Variants in FHIT observed in about 807,000 individuals in gnomAD.
FHIT encodes the protein bis(5'-adenosyl)-triphosphatase.
A neutral mutation model predicts 17.9 loss-of-function variants in FHIT; 19 were observed. The ratio of observed to expected loss-of-function variants is 1.06; its 90% CI spans 0.74 to 1.56. FHIT has a LOEUF of 1.56. FHIT is among the 40% of genes most tolerant of loss of function. The probability of loss-of-function intolerance (pLI) is 0.00; values close to 1 mark genes in which losing one functional copy is unlikely to be tolerated. For synonymous variants in FHIT, 81 were observed against 69.7 expected, an observed-to-expected ratio of 1.16 and a Z score of -0.81; for missense variants, 248 against 189.2, an observed-to-expected ratio of 1.31 and a Z score of -1.82.
rs1394848561 is a variant in FHIT at position 59,749,582 on chromosome 3, T to TCA, written c.*6-4_*6-3insTG. The TCA allele has an allele frequency of 4.3e-6, 1 of 231,338 alleles. No individual in the cohort carries two copies. The highest frequency in any genetic ancestry group is 8.6e-6 in the Non-Finnish European group (1 of 116,888). The allele number at this position is 231,338 out of a possible 1,614,324, so 14.3% of individuals were successfully genotyped here. A position where few individuals can be genotyped will look rare whatever the true frequency, so the allele number is the denominator to read the frequency against. On this transcript the variant is annotated splice_polypyrimidine_tract_variant and splice_region_variant and intron_variant, in intron 9 of 9. Coordinates refer to ENST00000492590, the MANE Select transcript of FHIT (RefSeq NM_002012.4). ...GGAATTCAGGATCTGAAAAACATCT[T>TCA]AAGCCATTTTTAAACAAACAAAGGC... is the stretch of plus-strand genomic sequence containing the variant.
At chr3:60,860,111 TG>T (rs1703584324) in intron 3 of FHIT, among the ~76,000 whole-genome samples, 1 of 147,886 alleles carries the variant, frequency 6.8e-6, no homozygotes, top group African/African-American at 2.5e-5. Flanking sequence ...ATCTGATATA[TG>T]ATATATAAAT....
chr3:60,640,306 C>G (rs2039695089), intron 4 of FHIT, among the ~76,000 whole-genome samples: 1 of 150,536 alleles, frequency 6.6e-6, no homozygotes, highest in South Asian at 2.1e-4. Flanking sequence ...CTTTTTTTTT[C>G]CTAAAAGACA....
At chr3:60,300,682 C>T (rs937330696) in intron 5 of FHIT, among the ~76,000 whole-genome samples, 1 of 152,066 alleles carries the variant, frequency 6.6e-6, no homozygotes, top group Non-Finnish European at 1.5e-5. Flanking sequence ...TGCCTACTTC[C>T]CACTTGCTCC....
intron 8 of FHIT, among the ~76,000 whole-genome samples, chr3:59,781,936 TC>T (rs1702604311): frequency 6.6e-6 from 1 of 152,194 alleles, no homozygotes; most frequent in Non-Finnish European, 1.5e-5. Context: ...CCCTTTGCTA[TC>T]ATGACATATG....
intron 3 of FHIT, among the ~76,000 whole-genome samples, chr3:60,895,729 T>G (rs988493170): frequency 7.3e-6 from 1 of 137,468 alleles, no homozygotes; most frequent in African/African-American, 2.6e-5. Flanking sequence ...TTTCTTTCTT[T>G]CTTTCTTCTT....
intron 8 of FHIT, among the ~76,000 whole-genome samples, chr3:59,868,210 A>C (rs2106885961): frequency 6.6e-6 from 1 of 152,266 alleles, no homozygotes; most frequent in South Asian, 2.1e-4. Context: ...CAGTACACCA[A>C]AATGCCAGTC....
chr3:61,074,730 T>C (rs762553490), intron 2 of FHIT, among the ~76,000 whole-genome samples: 7 of 152,188 alleles, frequency 4.6e-5, no homozygotes, highest in African/African-American at 7.2e-5. Flanking sequence ...AAGACAAATA[T>C]TCATTTTGGT....
chr3:61,182,181 G>A (rs866909535), intron 2 of FHIT, among the ~76,000 whole-genome samples: 2 of 152,218 alleles, frequency 1.3e-5, no homozygotes, highest in Middle Eastern at 3.4e-3. Context: ...TCTCTGAAGA[G>A]GATTTCAGAA....
At chr3:60,701,953 G>T (rs375558343) in intron 4 of FHIT, among the ~76,000 whole-genome samples, 12 of 152,320 alleles carry the variant, frequency 7.9e-5, no homozygotes, top group African/African-American at 2.6e-4. Context: ...AATCAGTAAG[G>T]TCAGATCTCT....
chr3:59,893,304 G>A (rs9819258), intron 8 of FHIT, among the ~76,000 whole-genome samples: 36,130 of 152,176 alleles, frequency 0.24, 6,859 homozygotes, highest in African/African-American at 0.53. Flanking sequence ...AGTTCAATAA[G>A]GAGCAAGATG....
At chr3:60,111,272 A>T (rs1704658488) in intron 5 of FHIT, among the ~76,000 whole-genome samples, 1 of 152,236 alleles carries the variant, frequency 6.6e-6, no homozygotes, top group African/African-American at 2.4e-5. Context: ...ATAAGGATAC[A>T]GTCCTGTATC....
rs1479742912 is a variant in FHIT at position 60,293,051 on chromosome 3, T to C, written c.103+243809A>G. ...CCCTGATGCCAATACATATAGTACA[T>C]TAAACCCACAGCTTTCAGAGCATAA... On this transcript the variant is annotated intron_variant, in intron 5 of 9. Transcript: ENST00000492590. Among the ~76,000 whole-genome samples, 5 of 152,180 alleles carry C rather than the reference T, an allele frequency of 3.3e-5. No homozygotes were observed. The East Asian group carries it at 9.6e-4, about 29-fold the overall frequency.
intron 2 of FHIT, among the ~76,000 whole-genome samples, chr3:61,100,952 G>T (rs143490987): frequency 7.9e-5 from 12 of 152,140 alleles, no homozygotes; most frequent in Non-Finnish European, 1.8e-4. Flanking sequence ...GTAGATTCTG[G>T]ATATTAGCCC....
intron 2 of FHIT, among the ~76,000 whole-genome samples, chr3:61,164,818 C>A (rs566449341): frequency 6.6e-6 from 1 of 152,262 alleles, no homozygotes; most frequent in South Asian, 2.1e-4. Flanking sequence ...CTCCAGTAGT[C>A]CCCAGTATCA....
At chr3:60,115,255 T>G (rs1034037043) in intron 5 of FHIT, among the ~76,000 whole-genome samples, 1 of 152,222 alleles carries the variant, frequency 6.6e-6, no homozygotes, top group African/African-American at 2.4e-5. Flanking sequence ...AGAATATGTA[T>G]TGAAAAAAGT....
chr3:59,922,406 G>A lies in FHIT; in HGVS notation c.288C>T (p.His96=), dbSNP rs374181317. The A allele has an allele frequency of 1.2e-5, 19 of 1,613,192 alleles. No individual in the cohort carries two copies. Among genetic ancestry groups the A allele is most frequent in the African/African-American group, 8.0e-5 (6 of 74,860 alleles). ...PEAGQTVKHV[H]VHVLPRKAGD... ...CAGCCTTCCTGGGAAGAACATGGAC[G>A]TGAACGTGCTGAAAATGTACAAGAA... Residue 96 remains histidine (H), a synonymous_variant, in exon 8 of 10, where the codon CAC becomes CAT. Coordinates refer to ENST00000492590, the MANE Select transcript of FHIT (RefSeq NM_002012.4).
intron 5 of FHIT, among the ~76,000 whole-genome samples, chr3:60,504,110 A>G (rs924360476): frequency 1.3e-5 from 2 of 152,212 alleles, no homozygotes; most frequent in Non-Finnish European, 2.9e-5. Context: ...GCATCCAACC[A>G]TATTGATAGC....
intron 5 of FHIT, among the ~76,000 whole-genome samples, chr3:60,470,119 C>T (rs908429108): frequency 1.3e-5 from 2 of 150,470 alleles, no homozygotes; most frequent in Non-Finnish European, 2.9e-5. Context: ...GACACAAGCA[C>T]TCCTGTGGCC....
At chr3:60,554,241 TAAA>T (rs11297542) in intron 4 of FHIT, among the ~76,000 whole-genome samples, 3 of 145,858 alleles carry the variant, frequency 2.1e-5, no homozygotes. Context: ...TCTTAACGGT[TAAA>T]AAAAAAAAAA....
Sources: allele counts gnomAD v4.1 joint callset (sites outside exome capture counted in the v4.1 genomes callset), GRCh38; gene constraint gnomAD v4.1.1; transcripts MANE v1.5; gene names NCBI Gene and HGNC (gene_info 2026-07-23, HGNC 2026-07-21).